Variants in TRAP1 observed in about 807,000 individuals in gnomAD.
TRAP1 encodes the protein TNF receptor associated protein 1, also known as heat shock protein 75 kDa, mitochondrial.
Under a neutral mutation model 89.1 loss-of-function variants are expected in TRAP1, and 102 were observed. The ratio of observed to expected loss-of-function variants is 1.15; its 90% CI spans 0.98 to 1.35. The LOEUF (loss-of-function observed/expected upper bound fraction) is 1.35. TRAP1 is among the 40% of genes most tolerant of loss of function. The pLI, the probability that TRAP1 is intolerant of heterozygous loss-of-function variation, is 0.00. For missense variants in TRAP1, 1,256 were observed against 945.3 expected (o/e 1.33, Z -4.31); for synonymous variants, 508 against 388.0 (o/e 1.31, Z -3.64).
chr16:3,658,944 G>C (rs2042896171), intron 16 of TRAP1, 79 bp from the exon 17 acceptor site: 3 of 1,435,726 alleles, frequency 2.1e-6, no homozygotes, highest in African/African-American at 2.8e-5. Flanking sequence ...GGATTATCAG[G>C]ATATTTAAAG....
chr16:3,697,041 G>A (rs1635404), intron 1 of TRAP1, among the ~76,000 whole-genome samples: 1 of 152,040 alleles, frequency 6.6e-6, no homozygotes, highest in Non-Finnish European at 1.5e-5. Context: ...TTATGTATTT[G>A]AAGCAGTGGT....
At chr16:3,691,790 T>A (rs1411537216) in intron 1 of TRAP1, among the ~76,000 whole-genome samples, 2 of 152,126 alleles carry the variant, frequency 1.3e-5, no homozygotes, top group African/African-American at 4.8e-5. Context: ...TTAAAAAAAA[T>A]TTGTGTACTT....
intron 1 of TRAP1, among the ~76,000 whole-genome samples, chr16:3,713,716 C>T (rs529597832): frequency 6.6e-6 from 1 of 152,340 alleles, no homozygotes; most frequent in East Asian, 1.9e-4. Flanking sequence ...CACAGAATCA[C>T]GTTTGCTTTG....
chr16:3,677,794 T>C (rs188951997), intron 5 of TRAP1, 136 bp from the exon 6 acceptor site: 10 of 1,011,726 alleles, frequency 9.9e-6, no homozygotes, highest in Non-Finnish European at 1.4e-5. Context: ...TTCCACCCCA[T>C]TCTACACGTG....
intron 4 of TRAP1, 29 bp from the exon 5 acceptor site, chr16:3,679,819 GCCC>G: frequency 6.2e-7 from 1 of 1,612,350 alleles, no homozygotes; most frequent in Non-Finnish European, 8.5e-7. Context: ...TAAGTGCCAA[GCCC>G]CCAGCACCTG....
rs535938228 is a variant in TRAP1 at position 3,713,161 on chromosome 16, TGAAAA to T, written c.88+4255_88+4259del. On this transcript the variant is annotated intron_variant, in intron 1 of 17. Transcript: ENST00000246957. ...CAGCAAGTACTACTCCCCTCCACTC[TGAAAA>T]GAACAGCCGGAGAGCACCAGAAATT... Among the ~76,000 whole-genome samples the T allele has an allele frequency of 5.9e-5, 9 of 152,210 alleles. No individual in the cohort carries two copies. In the South Asian group the frequency reaches 1.5e-3, roughly 25 times the overall value.
At chr16:3,717,363 T>C in intron 1 of TRAP1, 58 bp downstream of exon 1, 1 of 686,474 alleles carries the variant, frequency 1.5e-6, no homozygotes, top group Non-Finnish European at 2.0e-6. Context: ...CACAGGGACG[T>C]CCCTGCCGTC....
intron 13 of TRAP1, 122 bp downstream of exon 13, chr16:3,664,152 C>G: frequency 9.2e-7 from 1 of 1,091,892 alleles, no homozygotes; most frequent in East Asian, 2.8e-5. Context: ...TGCCCGTGAC[C>G]CTGACCCACT....
At chr16:3,704,966 T>C (rs1454767447) in intron 1 of TRAP1, among the ~76,000 whole-genome samples, 1 of 152,214 alleles carries the variant, frequency 6.6e-6, no homozygotes, top group Non-Finnish European at 1.5e-5. Context: ...ATTTAGTAAC[T>C]TTATTGAGAT....
chr16:3,663,692 T>G, intron 13 of TRAP1, 130 bp from the exon 14 acceptor site: 1 of 1,165,744 alleles, frequency 8.6e-7, no homozygotes, highest in Non-Finnish European at 1.2e-6. Flanking sequence ...GCAGTTGGGG[T>G]TCCTAGGCCT....
chr16:3,684,253 T>C (rs1479826333), intron 4 of TRAP1, among the ~76,000 whole-genome samples: 1 of 152,208 alleles, frequency 6.6e-6, no homozygotes, highest in Non-Finnish European at 1.5e-5. Flanking sequence ...AAGATGATTT[T>C]GCCACCGGAA....
intron 9 of TRAP1, 125 bp from the exon 10 acceptor site, chr16:3,672,945 C>T (rs2050934996): frequency 7.2e-7 from 1 of 1,388,406 alleles, no homozygotes; most frequent in South Asian, 1.5e-5. Context: ...CCAGCGTCTG[C>T]TCTGAGTTGA....
At chr16:3,712,683 C>G (rs1213539740) in intron 1 of TRAP1, among the ~76,000 whole-genome samples, 2 of 152,206 alleles carry the variant, frequency 1.3e-5, no homozygotes, top group African/African-American at 4.8e-5. Flanking sequence ...TCTTGGCTCA[C>G]TGCAACCTCC....
intron 16 of TRAP1, chr16:3,661,328 A>ATCTGTTGT (rs2043060760): frequency 7.3e-6 from 1 of 137,364 alleles, no homozygotes; most frequent in African/African-American, 3.4e-5. Flanking sequence ...GGGCATATAA[A>ATCTGTTGT]GAACAACAGG....
chr16:3,716,656 A>G (rs1377053655), intron 1 of TRAP1, among the ~76,000 whole-genome samples: 1 of 152,242 alleles, frequency 6.6e-6, no homozygotes, highest in East Asian at 1.9e-4. Flanking sequence ...ATACGCAGAC[A>G]TTTATATTTA....
intron 4 of TRAP1, among the ~76,000 whole-genome samples, chr16:3,683,733 C>T (rs4786430): frequency 0.042 from 6,358 of 150,236 alleles, 172 homozygotes; most frequent in Admixed American, 0.058. Flanking sequence ...TAGATGGCAA[C>T]GCTGTACTAT....
Position 3,665,953 on chromosome 16 carries a change from G to A in TRAP1, c.1383+18C>T. The stretch of plus-strand genomic sequence containing the variant: ...GACAAGGTGGCCCAGAAAAAGGCCT[G>A]GAACACAGCTCCTATACCTTGACCT... On this transcript the variant is annotated intron_variant, in intron 12 of 17. Transcript: ENST00000246957. 1 of 1,603,788 alleles carries A rather than the reference G, an allele frequency of 6.2e-7. No individual in the cohort carries two copies. The highest frequency in any genetic ancestry group is 8.5e-7 in the Non-Finnish European group (1 of 1,176,574).
chr16:3,714,053 T>C (rs778036355), intron 1 of TRAP1, among the ~76,000 whole-genome samples: 22 of 152,216 alleles, frequency 1.4e-4, no homozygotes, highest in Non-Finnish European at 2.6e-4. Flanking sequence ...CCCTTGCACC[T>C]GCAGCTTTCC....
At chr16:3,692,727 T>C (rs558454298) in intron 1 of TRAP1, among the ~76,000 whole-genome samples, 1 of 148,380 alleles carries the variant, frequency 6.7e-6, no homozygotes, top group South Asian at 2.2e-4. Flanking sequence ...GCCTCCCGAG[T>C]AGCTGGGTTT....
Sources: gnomAD v4.1 joint callset for allele counts (sites outside exome capture counted in the v4.1 genomes callset) on GRCh38, gnomAD v4.1.1 for gene constraint, MANE v1.5 for transcripts, NCBI Gene and HGNC (gene_info 2026-07-23, HGNC 2026-07-21) for gene names.